The following THRB variants were observed in gnomAD, a reference collection of about 807,000 sequenced individuals.
THRB encodes thyroid hormone receptor beta.
THRB carries 12 observed loss-of-function variants against 47.8 expected under a neutral mutation model. The observed-to-expected ratio is 0.25, with a 90% confidence interval of 0.16 to 0.41. THRB has a LOEUF of 0.41. Ranked by LOEUF, THRB falls within the 10% of genes least tolerant of loss-of-function variation. The pLI is 1.00. For missense variants in THRB, 348 were observed against 589.2 expected (o/e 0.59, Z 4.24); for synonymous variants, 218 against 212.2 (o/e 1.03, Z -0.24).
intron 6 of THRB, among the ~76,000 whole-genome samples, chr3:24,148,807 TAGAAAAACATCAG>T (rs1559455741): frequency 6.6e-6 from 1 of 152,182 alleles, no homozygotes; most frequent in Non-Finnish European, 1.5e-5. Context: ...CAGAATAAAA[TAGAAAAACATCAG>T]GAATAACTGA....
chr3:24,135,339 T>C (rs1380918549), intron 8 of THRB, among the ~76,000 whole-genome samples: 2 of 152,220 alleles, frequency 1.3e-5, no homozygotes, highest in Non-Finnish European at 1.5e-5. Flanking sequence ...AAAAACATAT[T>C]ATTAATACAT....
At chr3:24,175,091 T>C (rs1206809503) in intron 5 of THRB, among the ~76,000 whole-genome samples, 3 of 152,224 alleles carry the variant, frequency 2.0e-5, no homozygotes, top group Non-Finnish European at 4.4e-5. Context: ...GACAAGGGAA[T>C]TTATACACTC....
chr3:24,460,945 A>C (rs1189701077), intron 1 of THRB, among the ~76,000 whole-genome samples: 3 of 152,162 alleles, frequency 2.0e-5, no homozygotes, highest in Non-Finnish European at 4.4e-5. Context: ...AAAGTTGTAA[A>C]GCCCCCCAGA....
chr3:24,291,191 A>T (rs2055884584), intron 3 of THRB, among the ~76,000 whole-genome samples: 1 of 152,204 alleles, frequency 6.6e-6, no homozygotes, highest in Admixed American at 6.5e-5. Flanking sequence ...TGAAATTTGT[A>T]ATTTGGATTT....
At chr3:24,338,117 T>C (rs1358317512) in intron 1 of THRB, among the ~76,000 whole-genome samples, 1 of 152,162 alleles carries the variant, frequency 6.6e-6, no homozygotes, top group Non-Finnish European at 1.5e-5. Flanking sequence ...AAAACAGAGG[T>C]TAGCAGGGAA....
chr3:24,253,826 T>A (rs767865436), intron 3 of THRB, among the ~76,000 whole-genome samples: 8 of 152,268 alleles, frequency 5.3e-5, no homozygotes, highest in Admixed American at 1.3e-4. Context: ...GAAATGAGAT[T>A]GGGTTTGAAA....
chr3:24,358,032 C>G (rs1275699580), intron 1 of THRB, among the ~76,000 whole-genome samples: 1 of 152,076 alleles, frequency 6.6e-6, no homozygotes, highest in Non-Finnish European at 1.5e-5. Context: ...TTAGGAACTT[C>G]GTTTTATTCA....
At chr3:24,463,431 G>T (rs1560248156) in intron 1 of THRB, among the ~76,000 whole-genome samples, 1 of 151,904 alleles carries the variant, frequency 6.6e-6, no homozygotes, top group Non-Finnish European at 1.5e-5. Context: ...TTTTTTTATT[G>T]TTATTATTAC....
intron 1 of THRB, among the ~76,000 whole-genome samples, chr3:24,342,597 A>G (rs1458133213): frequency 1.3e-5 from 2 of 152,122 alleles, no homozygotes; most frequent in Non-Finnish European, 2.9e-5. Flanking sequence ...AGGCCTTCCA[A>G]TGGCTGAACC....
intron 4 of THRB, among the ~76,000 whole-genome samples, chr3:24,206,212 C>T (rs879499686): frequency 6.6e-6 from 1 of 152,172 alleles, no homozygotes; most frequent in African/African-American, 2.4e-5. Context: ...TTCTCAGCAC[C>T]ACATCACACT....
intron 5 of THRB, among the ~76,000 whole-genome samples, chr3:24,172,373 G>A (rs1263900716): frequency 1.3e-5 from 2 of 152,140 alleles, no homozygotes; most frequent in Non-Finnish European, 1.5e-5. Flanking sequence ...GGTGGGCACA[G>A]GACAAGACCA....
At chr3:24,175,751 T>G (rs1056024918) in intron 5 of THRB, among the ~76,000 whole-genome samples, 1 of 152,214 alleles carries the variant, frequency 6.6e-6, no homozygotes, top group Non-Finnish European at 1.5e-5. Context: ...TTGGTGTACC[T>G]TTAATTAGAC....
intron 1 of THRB, among the ~76,000 whole-genome samples, chr3:24,337,984 C>T (rs961916589): frequency 4.6e-5 from 7 of 152,220 alleles, no homozygotes; most frequent in African/African-American, 1.2e-4. Flanking sequence ...CAGACCACGA[C>T]ACCTGCCATG....
intron 2 of THRB, among the ~76,000 whole-genome samples, chr3:24,314,894 G>A (rs2058011129): frequency 6.6e-6 from 1 of 152,124 alleles, no homozygotes; most frequent in African/African-American, 2.4e-5. Context: ...TTTCAGAATA[G>A]GAAGGTAATT....
At chr3:24,434,169 C>T (rs1477977221) in intron 1 of THRB, among the ~76,000 whole-genome samples, 5 of 152,098 alleles carry the variant, frequency 3.3e-5, no homozygotes, top group South Asian at 4.1e-4. Flanking sequence ...GAAGAGAGGA[C>T]TAGCAGTTCT....
intron 7 of THRB, chr3:24,143,930 CT>C: frequency 6.8e-6 from 4 of 584,736 alleles, no homozygotes; most frequent in Non-Finnish European, 9.1e-6. Context: ...GACCGGCCAG[CT>C]TTTCAAAACA....
At chr3:24,189,901 T>A (rs560620081) in intron 5 of THRB, 173 bp downstream of exon 5, 17 of 650,508 alleles carry the variant, frequency 2.6e-5, no homozygotes, top group East Asian at 2.2e-4. Flanking sequence ...TCCACTTATT[T>A]ATTTATGTTT....
intron 6 of THRB, among the ~76,000 whole-genome samples, chr3:24,147,446 GT>G (rs1168358042): frequency 6.6e-6 from 1 of 152,108 alleles, no homozygotes; most frequent in African/African-American, 2.4e-5. Flanking sequence ...TTTCTACCAA[GT>G]TTTTCCCCAT....
At chr3:24,335,260 C>T (rs2062174120) in intron 2 of THRB, among the ~76,000 whole-genome samples, 1 of 152,200 alleles carries the variant, frequency 6.6e-6, no homozygotes, top group South Asian at 2.1e-4. Context: ...CCCAGAACTC[C>T]CAGGTCTCAC....
Sources: allele counts gnomAD v4.1 joint callset (sites outside exome capture counted in the v4.1 genomes callset), GRCh38; gene constraint gnomAD v4.1.1; transcripts MANE v1.5; gene names NCBI Gene and HGNC (gene_info 2026-07-23, HGNC 2026-07-21).